ARMH3: variants seen among roughly 807,000 people sequenced by gnomAD.
ARMH3 encodes armadillo like helical domain containing 3.
A neutral mutation model predicts 99.1 loss-of-function variants in ARMH3; 60 were observed. That is an observed-to-expected ratio of 0.61 (90% CI 0.49 to 0.75). ARMH3 has a LOEUF of 0.75. Among genes scored for constraint, ARMH3 ranks in the 30% least tolerant of loss-of-function variants. The pLI is 0.00. For synonymous variants in ARMH3, 285 were observed against 292.8 expected, an observed-to-expected ratio of 0.97 and a Z score of 0.27; for missense variants, 679 against 843.1, an observed-to-expected ratio of 0.81 and a Z score of 2.41.
intron 2 of ARMH3, among the ~76,000 whole-genome samples, chr10:102,035,615 G>A (rs1022316513): frequency 4.0e-4 from 61 of 152,224 alleles, no homozygotes; most frequent in African/African-American, 1.2e-3. Flanking sequence ...TGTGTTGGCC[G>A]GGCTGGTCTC....
intron 24 of ARMH3, among the ~76,000 whole-genome samples, chr10:101,875,783 AC>A: frequency 6.6e-6 from 1 of 151,942 alleles, no homozygotes; most frequent in East Asian, 1.9e-4. Context: ...CTGGGCAGTC[AC>A]CCCCACCTCC....
intron 8 of ARMH3, among the ~76,000 whole-genome samples, chr10:102,021,748 G>GTGTTAGCC: frequency 6.6e-6 from 1 of 151,936 alleles, no homozygotes; most frequent in East Asian, 1.9e-4. Flanking sequence ...GGGTTTCACT[G>GTGTTAGCC]TGTTAGCCAG....
intron 19 of ARMH3, among the ~76,000 whole-genome samples, chr10:101,988,320 C>T (rs1846608427): frequency 1.3e-5 from 2 of 152,098 alleles, no homozygotes; most frequent in Admixed American, 1.3e-4. Context: ...ATACGTGTTA[C>T]AAAGTAAATA....
At chr10:102,024,536 T>C (rs1170444618) in intron 6 of ARMH3, among the ~76,000 whole-genome samples, 3 of 151,762 alleles carry the variant, frequency 2.0e-5, no homozygotes, top group South Asian at 2.1e-4. Flanking sequence ...TCCCAGCACT[T>C]TGGGAGGCCA....
chr10:101,910,262 A>G (rs1252107474), intron 23 of ARMH3, among the ~76,000 whole-genome samples: 2 of 152,242 alleles, frequency 1.3e-5, no homozygotes, highest in Admixed American at 6.5e-5. Flanking sequence ...AAGGGGAACA[A>G]GCTTTTCCCT....
At chr10:101,987,965 G>A (rs1017174887) in intron 19 of ARMH3, among the ~76,000 whole-genome samples, 6 of 152,118 alleles carry the variant, frequency 3.9e-5, no homozygotes, top group African/African-American at 1.2e-4. Flanking sequence ...GCTGTGCCAC[G>A]TTAATGTGAT....
intron 24 of ARMH3, among the ~76,000 whole-genome samples, chr10:101,872,915 G>A (rs189638136): frequency 7.3e-5 from 11 of 151,204 alleles, no homozygotes; most frequent in Admixed American, 7.3e-4. Context: ...CCGAGATCAC[G>A]CCACTGCACG....
At chr10:101,941,143 G>C in intron 22 of ARMH3, among the ~76,000 whole-genome samples, 1 of 152,166 alleles carries the variant, frequency 6.6e-6, no homozygotes, top group Non-Finnish European at 1.5e-5. Context: ...TTCAAACCTG[G>C]AGGGAAATGA....
chr10:101,970,714 A>G (rs1398040906), intron 20 of ARMH3, among the ~76,000 whole-genome samples: 1 of 151,206 alleles, frequency 6.6e-6, no homozygotes, highest in African/African-American at 2.4e-5. Flanking sequence ...AGTCCCAGCT[A>G]CTTGGGCGGC....
intron 19 of ARMH3, among the ~76,000 whole-genome samples, chr10:101,979,071 G>C (rs1276579434): frequency 6.6e-6 from 1 of 152,106 alleles, no homozygotes; most frequent in Non-Finnish European, 1.5e-5. Flanking sequence ...CTGAGCTCCA[G>C]AGTTTGAAGC....
intron 24 of ARMH3, among the ~76,000 whole-genome samples, chr10:101,886,169 T>C (rs950135043): frequency 1.3e-5 from 2 of 150,914 alleles, no homozygotes; most frequent in African/African-American, 2.4e-5. Context: ...CAGACAAATA[T>C]AGCACCTGCA....
At chr10:101,879,702 A>C (rs2067363085) in intron 24 of ARMH3, among the ~76,000 whole-genome samples, 1 of 152,072 alleles carries the variant, frequency 6.6e-6, no homozygotes, top group Non-Finnish European at 1.5e-5. Flanking sequence ...GCAGCTCAAA[A>C]ACTACCAGTT....
In ARMH3 at chr10:101,911,004, G is replaced by A. The variant is rs145909212; in HGVS notation, c.1782-21514C>T. ...AAAATACAAAAATTAGCCAGATGAG[G>A]TGGCAGGCGCCTGTAATCCCAACTA... On this transcript the variant is annotated intron_variant, in intron 23 of 25. Transcript: ENST00000370033. 9.3e-3 allele frequency among the ~76,000 whole-genome samples: 1,416 copies of A among 152,094 alleles called. 18 individuals carry two copies. The highest frequency in any genetic ancestry group is 0.032 in the African/African-American group (1,344 of 41,484).
chr10:101,910,393 C>T (rs919772275), intron 23 of ARMH3, among the ~76,000 whole-genome samples: 5 of 152,082 alleles, frequency 3.3e-5, no homozygotes, highest in Admixed American at 2.6e-4. Flanking sequence ...TTATTTGCCA[C>T]CATTTACCAT....
intron 24 of ARMH3, among the ~76,000 whole-genome samples, chr10:101,866,016 T>C (rs2066993598): frequency 6.7e-6 from 1 of 148,658 alleles, no homozygotes; most frequent in African/African-American, 2.5e-5. Flanking sequence ...AGGTCAGGAG[T>C]TCAAGACCAG....
chr10:102,037,631 G>C (rs911349206), intron 2 of ARMH3, among the ~76,000 whole-genome samples: 2 of 151,706 alleles, frequency 1.3e-5, no homozygotes, highest in African/African-American at 4.8e-5. Context: ...TGGATGCAAT[G>C]GTGCAATTAT....
intron 1 of ARMH3, among the ~76,000 whole-genome samples, chr10:102,050,467 A>C (rs371876230): frequency 2.6e-4 from 39 of 152,098 alleles, no homozygotes; most frequent in African/African-American, 8.7e-4. Flanking sequence ...TAAATAAATA[A>C]ATACATACAT....
chr10:102,019,718 G>C (rs559365373), intron 8 of ARMH3, among the ~76,000 whole-genome samples: 5 of 151,712 alleles, frequency 3.3e-5, no homozygotes, highest in African/African-American at 1.2e-4. Flanking sequence ...ACAAGGTCAG[G>C]AGATCGAGAC....
intron 23 of ARMH3, among the ~76,000 whole-genome samples, chr10:101,900,825 A>T (rs566263225): frequency 1.6e-4 from 24 of 151,992 alleles, no homozygotes; most frequent in African/African-American, 2.7e-4. Flanking sequence ...TCTACAAAAA[A>T]TTTTTTTTAA....
Sources: allele counts gnomAD v4.1 joint callset (sites outside exome capture counted in the v4.1 genomes callset), GRCh38; gene constraint gnomAD v4.1.1; transcripts MANE v1.5; gene names NCBI Gene and HGNC (gene_info 2026-07-23, HGNC 2026-07-21).